Variants in NAV2 observed in about 807,000 individuals in gnomAD.
NAV2 encodes the protein helicase, APC down-regulated 1.
Under a neutral mutation model 223.2 loss-of-function variants are expected in NAV2, and 54 were observed. The observed-to-expected ratio is 0.24, with a 90% confidence interval of 0.19 to 0.30. NAV2 has a LOEUF of 0.30. Ranked by LOEUF, NAV2 falls within the 10% of genes least tolerant of loss-of-function variation. NAV2 has a pLI of 1.00. For missense variants in NAV2, 2,806 were observed against 3,147.5 expected (o/e 0.89, Z 2.60); for synonymous variants, 1,279 against 1,239.3 (o/e 1.03, Z -0.67).
At chr11:19,689,460 C>A (rs866687037) in intron 1 of NAV2, among the ~76,000 whole-genome samples, 1 of 152,342 alleles carries the variant, frequency 6.6e-6, no homozygotes, top group Non-Finnish European at 1.5e-5. Flanking sequence ...GGGCCAAGAG[C>A]TGGCCACAAG....
intron 1 of NAV2, among the ~76,000 whole-genome samples, chr11:19,619,163 G>A (rs903255686): frequency 2.0e-5 from 3 of 151,282 alleles, no homozygotes; most frequent in African/African-American, 4.9e-5. Context: ...TATCATTGAT[G>A]GGCATTTGGG....
intron 11 of NAV2, among the ~76,000 whole-genome samples, chr11:19,987,495 T>G (rs2050900110): frequency 6.6e-6 from 1 of 152,152 alleles, no homozygotes; most frequent in Non-Finnish European, 1.5e-5. Flanking sequence ...ATAAGAAAAT[T>G]AATAACCACA....
chr11:19,630,303 C>G (rs181741489), intron 1 of NAV2, among the ~76,000 whole-genome samples: 206 of 152,322 alleles, frequency 1.4e-3, no homozygotes, highest in African/African-American at 4.8e-3. Flanking sequence ...CAAGAAGAAG[C>G]TGATTTCTGC....
At chr11:19,831,068 T>C (rs897032231) in intron 1 of NAV2, among the ~76,000 whole-genome samples, 8 of 151,920 alleles carry the variant, frequency 5.3e-5, no homozygotes, top group Non-Finnish European at 1.0e-4. Context: ...ACAGCTCTCA[T>C]CTCTTCAGGA....
At chr11:19,465,300 G>A (rs1368531593) in intron 1 of NAV2, among the ~76,000 whole-genome samples, 3 of 152,304 alleles carry the variant, frequency 2.0e-5, no homozygotes, top group Non-Finnish European at 2.9e-5. Context: ...AGGACTACCC[G>A]GCCATGGTGG....
intron 1 of NAV2, among the ~76,000 whole-genome samples, chr11:19,518,963 C>T (rs1424528865): frequency 6.6e-6 from 1 of 152,234 alleles, no homozygotes; most frequent in Non-Finnish European, 1.5e-5. Context: ...TGTAAGGAAA[C>T]GAAACAATGA....
At chr11:19,627,982 G>C (rs569703956) in intron 1 of NAV2, among the ~76,000 whole-genome samples, 3 of 151,912 alleles carry the variant, frequency 2.0e-5, no homozygotes, top group Non-Finnish European at 4.4e-5. Flanking sequence ...CATTCCACAA[G>C]GAGGCATAAA....
At chr11:19,900,053 G>A (rs2042317976) in intron 6 of NAV2, among the ~76,000 whole-genome samples, 1 of 152,160 alleles carries the variant, frequency 6.6e-6, no homozygotes, top group Non-Finnish European at 1.5e-5. Flanking sequence ...GGAATCAGCT[G>A]TGATGTTATT....
At position 19,867,987 on chromosome 11, in the gene NAV2, A is replaced by G. The variant is rs115215735; in HGVS notation, c.439-938A>G. Among the ~76,000 whole-genome samples the G allele has an allele frequency of 8.9e-3, 1,355 of 152,274 alleles. 22 individuals carry two copies. The highest frequency in any genetic ancestry group is 0.03 in the African/African-American group (1,233 of 41,560). ...AAGAAACGAGAAGGGTCACATGTAT[A>G]CTGTGGAAGGCAATCATTTATTAGT... On this transcript the variant is annotated intron_variant, in intron 3 of 37. Coordinates refer to ENST00000349880, the MANE Select transcript of NAV2 (RefSeq NM_145117.5).
chr11:20,050,699 G>A (rs1260712522), intron 16 of NAV2, among the ~76,000 whole-genome samples: 1 of 152,144 alleles, frequency 6.6e-6, no homozygotes, highest in East Asian at 1.9e-4. Context: ...CAGCCAGCAA[G>A]TTGTAACATG....
chr11:19,894,561 G>A (rs1337073669), intron 6 of NAV2, among the ~76,000 whole-genome samples: 2 of 152,160 alleles, frequency 1.3e-5, no homozygotes, highest in Admixed American at 6.5e-5. Context: ...GGGTGTGCCC[G>A]CCAATGCTAG....
At chr11:19,401,159 ATTCT>A (rs1188494623) in intron 1 of NAV2, among the ~76,000 whole-genome samples, 2 of 152,224 alleles carry the variant, frequency 1.3e-5, no homozygotes, top group African/African-American at 4.8e-5. Context: ...TAAAATATTA[ATTCT>A]TTCTATTTGT....
intron 1 of NAV2, among the ~76,000 whole-genome samples, chr11:19,731,153 T>G (rs2042600): frequency 0.6 from 91,782 of 152,112 alleles, 29,526 homozygotes; most frequent in African/African-American, 0.84. Context: ...GGTTTTCCTT[T>G]ATGCCACCAA....
chr11:19,588,148 C>T (rs956469361), intron 1 of NAV2, among the ~76,000 whole-genome samples: 3 of 152,206 alleles, frequency 2.0e-5, no homozygotes, highest in African/African-American at 7.2e-5. Context: ...AGCCAAATTC[C>T]TGGTCAACTA....
At chr11:19,940,032 T>TA (rs1435051386) in intron 8 of NAV2, among the ~76,000 whole-genome samples, 6 of 152,272 alleles carry the variant, frequency 3.9e-5, no homozygotes, top group Admixed American at 1.3e-4. Flanking sequence ...ATCCTATTTT[T>TA]AAGATACGTT....
intron 1 of NAV2, among the ~76,000 whole-genome samples, chr11:19,537,185 AC>A (rs2044212989): frequency 1.3e-5 from 2 of 152,282 alleles, no homozygotes; most frequent in African/African-American, 2.4e-5. Context: ...TGATGTAGGC[AC>A]TACTATATGT....
rs368529062 is a variant in NAV2, at chr11:20,090,842, C to G, written c.5499-23C>G. ...GGGGACTAAAAGGAGCTGCTTTCAT[C>G]AGTAACATTCCTCTTTCCCTAGAAT... On this transcript the variant is annotated intron_variant, in intron 26 of 37. Coordinates refer to ENST00000349880, the MANE Select transcript of NAV2 (RefSeq NM_145117.5). The G allele has an allele frequency of 8.1e-6, 13 of 1,611,298 alleles. No individual in the cohort carries two copies. In the African/African-American group the frequency reaches 1.3e-4, roughly 17 times the overall value.
intron 1 of NAV2, chr11:19,591,375 TG>T (rs1314428455): frequency 6.6e-6 from 1 of 152,232 alleles, no homozygotes; most frequent in Non-Finnish European, 1.5e-5. Context: ...CATTCTTTTT[TG>T]TCTAGATGGT....
chr11:19,418,887 C>A (rs551651327), intron 1 of NAV2, among the ~76,000 whole-genome samples: 2 of 152,182 alleles, frequency 1.3e-5, no homozygotes, highest in Non-Finnish European at 1.5e-5. Context: ...ATGATGGGCT[C>A]ATCTCTGGTA....
Sources: gnomAD v4.1 joint callset for allele counts (sites outside exome capture counted in the v4.1 genomes callset) on GRCh38, gnomAD v4.1.1 for gene constraint, MANE v1.5 for transcripts, NCBI Gene and HGNC (gene_info 2026-07-23, HGNC 2026-07-21) for gene names.